The following RBFOX1 variants were observed in gnomAD, a reference collection of about 807,000 sequenced individuals.
RBFOX1 encodes the protein RNA binding fox-1 homolog 1.
RBFOX1 carries 8 observed loss-of-function variants against 57.7 expected under a neutral mutation model. That is an observed-to-expected ratio of 0.14 (90% CI 0.08 to 0.25). The LOEUF (loss-of-function observed/expected upper bound fraction) is 0.25, where lower values mean the gene tolerates loss of function less well. Ranked by LOEUF, RBFOX1 falls within the 10% of genes least tolerant of loss-of-function variation. The probability of loss-of-function intolerance (pLI) is 1.00; values close to 1 mark genes in which losing one functional copy is unlikely to be tolerated. For missense variants in RBFOX1, 611 were observed against 548.5 expected (o/e 1.11, Z -1.14); for synonymous variants, 326 against 222.4 (o/e 1.47, Z -4.15).
At chr16:6,574,735 C>G (rs1448904278) in intron 2 of RBFOX1, among the ~76,000 whole-genome samples, 1 of 140,986 alleles carries the variant, frequency 7.1e-6, no homozygotes, top group Non-Finnish European at 1.5e-5. Context: ...CCCGTATCTT[C>G]TATTAAGAAC....
intron 4 of RBFOX1, among the ~76,000 whole-genome samples, chr16:7,366,679 C>G (rs573817960): frequency 2.0e-5 from 3 of 151,270 alleles, no homozygotes; most frequent in Non-Finnish European, 2.9e-5. Flanking sequence ...TGAAATTTGT[C>G]AAGCCTGCAT....
At chr16:7,257,129 G>C (rs2094721000) in intron 4 of RBFOX1, among the ~76,000 whole-genome samples, 1 of 152,140 alleles carries the variant, frequency 6.6e-6, no homozygotes, top group African/African-American at 2.4e-5. Context: ...GAAACTGAAC[G>C]AAATTGCCTT....
chr16:7,351,891 C>A (rs1169815279), intron 4 of RBFOX1, among the ~76,000 whole-genome samples: 1 of 152,140 alleles, frequency 6.6e-6, no homozygotes, highest in African/African-American at 2.4e-5. Context: ...TTCTGATCTG[C>A]TGCCAAGGAG....
chr16:5,941,305 C>T (rs1023950880), intron 4 of RBFOX1, among the ~76,000 whole-genome samples: 17 of 151,674 alleles, frequency 1.1e-4, no homozygotes, highest in South Asian at 6.3e-4. Flanking sequence ...GCCTGGGCAA[C>T]GTAGTGAGAT....
At chr16:7,237,964 C>T (rs919494611) in intron 4 of RBFOX1, among the ~76,000 whole-genome samples, 3 of 152,132 alleles carry the variant, frequency 2.0e-5, no homozygotes, top group African/African-American at 7.2e-5. Context: ...ACGTCGCGTC[C>T]CTGCACGCAA....
chr16:5,887,727 A>C (rs2057935612), intron 4 of RBFOX1, among the ~76,000 whole-genome samples: 3 of 152,088 alleles, frequency 2.0e-5, no homozygotes, highest in Admixed American at 6.5e-5. Context: ...TTTTTACAGA[A>C]GTGAAAATGT....
chr16:7,133,181 T>C (rs1040556453), intron 4 of RBFOX1, among the ~76,000 whole-genome samples: 1 of 152,210 alleles, frequency 6.6e-6, no homozygotes, highest in East Asian at 1.9e-4. Flanking sequence ...AGATTCTCAA[T>C]GTTTTTGATG....
rs1326493170 is a variant in RBFOX1 at position 5,955,399 on chromosome 16, AATAAAAT to A, written c.351+88066_351+88072del. On this transcript the variant is annotated intron_variant, in intron 4 of 19. Transcript: ENST00000641259. Reference sequence around the variant, plus strand: ...AATAAAATAAAATAAAATAAAATAAAATAAAATAAAATAAAAGTCTTTCCTCAGTGCC... The same window carrying A: ...AATAAAATAAAATAAAATAAAATAAAAAAATAAAAGTCTTTCCTCAGTGCC... Among the ~76,000 whole-genome samples the A allele has an allele frequency of 7.4e-3, 553 of 75,184 alleles. 28 individuals are homozygous for A. The highest frequency in any genetic ancestry group is 0.026 in the African/African-American group (534 of 20,220). 49.3% of individuals were successfully genotyped at this position (75,184 alleles called of 152,430 possible). A position where few individuals can be genotyped will look rare whatever the true frequency, so the allele number is the denominator to read the frequency against.
intron 1 of RBFOX1, among the ~76,000 whole-genome samples, chr16:6,297,163 G>T (rs896335705): frequency 6.6e-6 from 1 of 152,060 alleles, no homozygotes; most frequent in South Asian, 2.1e-4. Context: ...TCTTCGTTTT[G>T]GTAGGTTTTG....
intron 1 of RBFOX1, among the ~76,000 whole-genome samples, chr16:5,304,841 C>T (rs201038040): frequency 3.6e-5 from 5 of 139,364 alleles, no homozygotes; most frequent in African/African-American, 7.7e-5. Flanking sequence ...TGATTTTTTT[C>T]CCCCAAAACA....
intron 5 of RBFOX1, among the ~76,000 whole-genome samples, chr16:7,543,667 CTGTGTGTG>C (rs71150310): frequency 0.031 from 4,383 of 141,420 alleles, 79 homozygotes; most frequent in African/African-American, 0.042. Flanking sequence ...TGGGCAGTAT[CTGTGTGTG>C]TGTGTGTGTG....
chr16:6,721,415 C>T (rs1332031579), intron 3 of RBFOX1, among the ~76,000 whole-genome samples: 1 of 152,218 alleles, frequency 6.6e-6, no homozygotes, highest in Non-Finnish European at 1.5e-5. Flanking sequence ...TGCACTCCAG[C>T]CTGGGGGACA....
intron 1 of RBFOX1, among the ~76,000 whole-genome samples, chr16:6,153,736 A>G (rs996224273): frequency 3.3e-5 from 5 of 152,154 alleles, no homozygotes; most frequent in Admixed American, 2.0e-4. Context: ...GGGTTTCACC[A>G]TGTTGGCCAG....
chr16:5,794,810 G>T (rs1417916857), intron 3 of RBFOX1, among the ~76,000 whole-genome samples: 1 of 152,108 alleles, frequency 6.6e-6, no homozygotes, highest in African/African-American at 2.4e-5. Flanking sequence ...TTAAATCTAG[G>T]CAGAGGCTAG....
chr16:7,540,589 G>C (rs1382895824), intron 5 of RBFOX1, among the ~76,000 whole-genome samples: 1 of 152,208 alleles, frequency 6.6e-6, no homozygotes, highest in African/African-American at 2.4e-5. Flanking sequence ...TGACTGCTCT[G>C]TCTCTGCTGT....
chr16:5,291,817 C>T (rs1426198781), intron 1 of RBFOX1, among the ~76,000 whole-genome samples: 1 of 152,076 alleles, frequency 6.6e-6, no homozygotes, highest in Non-Finnish European at 1.5e-5. Context: ...AGGTAAAACC[C>T]ACGTGACTTG....
rs773792038 is a variant in RBFOX1 at position 7,052,132 on chromosome 16, T to A, written c.27+34T>A. The A allele has an allele frequency of 1.9e-6, 3 of 1,585,050 alleles. No homozygotes were observed. The South Asian group carries it at 3.5e-5, about 19-fold the overall frequency. On this transcript the variant is annotated intron_variant, in intron 4 of 15. Transcript: ENST00000550418. ...ACCTGCTTGTAAAATGCTTCCTGAT[T>A]CTCATTTTTGTGTGATAAGCAAAAA...
chr16:6,095,069 A>G (rs1046054531), intron 1 of RBFOX1, among the ~76,000 whole-genome samples: 4 of 152,198 alleles, frequency 2.6e-5, no homozygotes, highest in African/African-American at 7.2e-5. Flanking sequence ...CAAGAAAAAC[A>G]AAACAAATAA....
At chr16:6,146,827 G>T (rs1399594249) in intron 1 of RBFOX1, among the ~76,000 whole-genome samples, 1 of 152,146 alleles carries the variant, frequency 6.6e-6, no homozygotes, top group Non-Finnish European at 1.5e-5. Context: ...TTTAAGTGGC[G>T]ATTCAAGCTC....
Sources: allele counts gnomAD v4.1 joint callset (sites outside exome capture counted in the v4.1 genomes callset), GRCh38; gene constraint gnomAD v4.1.1; transcripts MANE v1.5; gene names NCBI Gene and HGNC (gene_info 2026-07-23, HGNC 2026-07-21).